Variants in WNK2 observed in about 807,000 individuals in gnomAD.
WNK2 encodes the protein serine/threonine-protein kinase WNK2.
A neutral mutation model predicts 192.1 loss-of-function variants in WNK2; 67 were observed. The observed-to-expected ratio is 0.35, with a 90% confidence interval of 0.29 to 0.43. The LOEUF (loss-of-function observed/expected upper bound fraction) is 0.43. WNK2 is among the 20% of genes least tolerant of loss of function. The pLI is 1.00. For missense variants in WNK2, 2,698 were observed against 3,089.7 expected (o/e 0.87, Z 3.01); for synonymous variants, 1,439 against 1,393.9 (o/e 1.03, Z -0.72).
chr9:93,256,557 C>T, intron 10 of WNK2, 103 bp downstream of exon 10: 1 of 1,340,330 alleles, frequency 7.5e-7, no homozygotes, highest in Admixed American at 3.0e-5. Context: ...ACCCTTCGCT[C>T]AAATTCTCTG....
At chr9:93,296,205 T>C (rs1467543361) in intron 23 of WNK2, among the ~76,000 whole-genome samples, 64 of 8,130 alleles carry the variant, frequency 7.9e-3, no homozygotes, top group Admixed American at 0.017. Context: ...TCACCATCCT[T>C]CCCTCACCTT....
chr9:93,317,218 A>G, intron 28 of WNK2: 1 of 516,198 alleles, frequency 1.9e-6, no homozygotes, highest in Non-Finnish European at 3.5e-6. Flanking sequence ...GGGGTCACTC[A>G]TGCGCCCTCA....
At position 93,204,237 on chromosome 9, in the gene WNK2, C is replaced by T. The variant is rs151209155; in HGVS notation, c.681+18627C>T. On this transcript the variant is annotated intron_variant, in intron 2 of 29. Transcript: ENST00000427277. ...GGGCTTCACAGCTGTCTGTGAGGTG[C>T]TGGGAGTGGGAGAAGCAGAGGCAAG... Among the ~76,000 whole-genome samples, 621 of 152,194 alleles carry T rather than the reference C, an allele frequency of 4.1e-3. 3 individuals carry two copies. The highest frequency in any genetic ancestry group is 0.027 in the Middle Eastern group (8 of 294).
At chr9:93,292,245 T>C (rs546907137) in intron 21 of WNK2, 63 bp from the exon 22 acceptor site, 42 of 1,579,810 alleles carry the variant, frequency 2.7e-5, no homozygotes, top group African/African-American at 1.5e-4. Context: ...TCGGGTCAGC[T>C]GTGAGCCATC....
intron 20 of WNK2, 88 bp downstream of exon 20, chr9:93,289,708 T>A (rs1702782914): frequency 7.7e-7 from 1 of 1,302,466 alleles, no homozygotes; most frequent in Admixed American, 2.9e-5. Context: ...GCATCTTGGC[T>A]ATGCAGAGCC....
chr9:93,255,700 TC>T (rs1843180733), intron 9 of WNK2, among the ~76,000 whole-genome samples: 2 of 152,026 alleles, frequency 1.3e-5, no homozygotes, highest in South Asian at 4.2e-4. Flanking sequence ...GCAAGACACT[TC>T]CCCTGTAAAT....
chr9:93,209,433 C>T (rs79722262), intron 2 of WNK2, among the ~76,000 whole-genome samples: 2,775 of 152,264 alleles, frequency 0.018, 90 homozygotes, highest in African/African-American at 0.063. Context: ...GCCTTTGAGA[C>T]GGGACAGGTC....
chr9:93,264,108 C>T (rs1383055868), intron 16 of WNK2, 75 bp downstream of exon 16: 1 of 1,164,368 alleles, frequency 8.6e-7, no homozygotes, highest in African/African-American at 1.5e-5. Context: ...CGCCACAGGT[C>T]ACATGTCGAG....
chr9:93,305,920 C>CGTCCCAGCTCTGCCTGCCT lies in WNK2; in HGVS notation c.6215-856_6215-838dup, dbSNP rs565365526. On this transcript the variant is annotated intron_variant, in intron 26 of 29. Coordinates refer to ENST00000427277, the MANE Select transcript of WNK2 (RefSeq NM_006648.4). ...GGGGAAGTCTGAGCCTGTGCTTGCC[C>CGTCCCAGCTCTGCCTGCCT]GTCCCAGCTCTGCCTGCCTATAGGA... Among the ~76,000 whole-genome samples, 383 of 152,306 alleles carry CGTCCCAGCTCTGCCTGCCT rather than the reference C, an allele frequency of 2.5e-3. 2 individuals are homozygous for CGTCCCAGCTCTGCCTGCCT. Among genetic ancestry groups the CGTCCCAGCTCTGCCTGCCT allele is most frequent in the Middle Eastern group, 0.01 (3 of 294 alleles).
At chr9:93,184,775 T>A (rs1828968062) in intron 1 of WNK2, 153 bp from the exon 2 acceptor site, 5 of 620,478 alleles carry the variant, frequency 8.1e-6, no homozygotes, top group Admixed American at 9.1e-5. Context: ...GCAGCCCCCC[T>A]TTCCCAGGGC....
At chr9:93,227,123 T>C (rs1388619589) in intron 2 of WNK2, among the ~76,000 whole-genome samples, 3 of 151,184 alleles carry the variant, frequency 2.0e-5, no homozygotes, top group Non-Finnish European at 3.0e-5. Flanking sequence ...CCACCTTTTT[T>C]TTTTTTTTTT....
intron 28 of WNK2, among the ~76,000 whole-genome samples, chr9:93,309,562 C>T (rs72743444): frequency 0.031 from 4,759 of 152,222 alleles, 120 homozygotes; most frequent in South Asian, 0.082. Flanking sequence ...ACAGTGATGT[C>T]CTGATTTCAT....
chr9:93,193,169 G>A (rs918584271), intron 2 of WNK2, among the ~76,000 whole-genome samples: 11 of 152,148 alleles, frequency 7.2e-5, no homozygotes, highest in Non-Finnish European at 1.2e-4. Flanking sequence ...CAGGAAGGAC[G>A]TCGCCCCAAA....
intron 2 of WNK2, among the ~76,000 whole-genome samples, chr9:93,215,740 T>G (rs918649482): frequency 6.6e-6 from 1 of 152,260 alleles, no homozygotes; most frequent in Non-Finnish European, 1.5e-5. Flanking sequence ...AATTTTACAC[T>G]AATTTTAATT....
intron 28 of WNK2, chr9:93,317,233 C>T (rs1193569764): frequency 5.4e-6 from 3 of 551,654 alleles, no homozygotes; most frequent in Non-Finnish European, 9.8e-6. Context: ...CCCTCAGGGT[C>T]CAGGCCCCAC....
intron 4 of WNK2, among the ~76,000 whole-genome samples, chr9:93,232,865 G>T (rs1839076109): frequency 6.7e-6 from 1 of 149,200 alleles, no homozygotes. Flanking sequence ...AGTGTCCTCA[G>T]CTGCTCAGTC....
chr9:93,211,331 CTTTGGTCT>C (rs1249219658), intron 2 of WNK2, among the ~76,000 whole-genome samples: 7 of 150,616 alleles, frequency 4.6e-5, no homozygotes, highest in South Asian at 4.2e-4. Flanking sequence ...CTCAGTCACT[CTTTGGTCT>C]ACTCATTCAC....
In WNK2 at chr9:93,259,993, A is replaced by G. The variant is rs1043454120; in HGVS notation, c.3066+379A>G. On this transcript the variant is annotated intron_variant, in intron 12 of 29. Transcript: ENST00000427277. This position sits in a 1 kb window ranked among gnomAD's most constrained non-coding sequence, Gnocchi z 4.8. The stretch of plus-strand genomic sequence containing the variant: ...GTCTGAGGTCCACCCTTCAAAGAGC[A>G]TCTTGTCAGGATGAGGCAGGGTGAC... 6.6e-6 allele frequency among the ~76,000 whole-genome samples: 1 copy of G among 152,076 alleles called. No homozygotes were observed. The highest frequency in any genetic ancestry group is 2.4e-5 in the African/African-American group (1 of 41,400).
rs1231192850 is a variant in WNK2, at chr9:93,259,458, G to T, written c.2910G>T (p.Pro970=). 1.5e-6 allele frequency: 2 copies of T among 1,346,172 alleles called. No individual in the cohort carries two copies. The highest frequency in any genetic ancestry group is 2.7e-5 in the East Asian group (1 of 37,140). The allele number at this position is 1,346,172 out of a possible 1,614,324, so 83.4% of individuals were successfully genotyped here. Reference sequence around the variant, plus strand: ...TGCCCCCTCAACCTGTGTTGCCCCCGCAACCCACACGGCCCCCTCAACCTG... The same window carrying T: ...TGCCCCCTCAACCTGTGTTGCCCCCTCAACCCACACGGCCCCCTCAACCTG... ...PTLPPQPVLP[P]QPTRPPQPVL... Residue 970 remains proline (P), a synonymous_variant, in exon 12 of 30, where the codon CCG becomes CCT. Coordinates refer to ENST00000427277, the MANE Select transcript of WNK2 (RefSeq NM_006648.4). The surrounding 1 kb of genome is among the most constrained non-coding windows in gnomAD (Gnocchi z 4.8).
Sources: gnomAD v4.1 joint callset for allele counts (sites outside exome capture counted in the v4.1 genomes callset) on GRCh38, gnomAD v4.1.1 for gene constraint, Gnocchi (gnomAD v3.1) non-coding constraint, MANE v1.5 for transcripts, NCBI Gene and HGNC (gene_info 2026-07-23, HGNC 2026-07-21) for gene names.